The following RPS21 variants were observed in gnomAD, a reference collection of about 807,000 sequenced individuals.
RPS21 encodes the protein ribosomal protein S21.
A neutral mutation model predicts 14.5 loss-of-function variants in RPS21; 6 were observed. The observed-to-expected ratio is 0.41, with a 90% CI of 0.23 to 0.82. The LOEUF (loss-of-function observed/expected upper bound fraction) is 0.82, where lower values mean the gene tolerates loss of function less well. RPS21 is among the 40% of genes least tolerant of loss of function. The probability of loss-of-function intolerance (pLI) is 0.31; values close to 1 mark genes in which losing one functional copy is unlikely to be tolerated. For synonymous variants in RPS21, 61 were observed against 42.6 expected (o/e 1.43, Z -1.69); for missense variants, 85 against 115.0 (o/e 0.74, Z 1.19).
In RPS21 at chr20:62,387,516, T is replaced by G. The variant is rs531693282; in HGVS notation, c.51-95T>G. The stretch of plus-strand genomic sequence containing the variant: ...CCCTAACTTGTCCTGCCCCCGACGT[T>G]ACTCTTTTCCATTCATATACCCCCA... On this transcript the variant is annotated intron_variant, in intron 2 of 5. Transcript: ENST00000343986. 1.9e-6 allele frequency: 3 copies of G among 1,586,780 alleles called. No individual in the cohort carries two copies. The East Asian group carries it at 6.7e-5, about 36-fold the overall frequency.
chr20:62,388,323 T>C lies in RPS21; in HGVS notation c.201T>C (p.Asp67=). ...GAIRRMGESD[D]SILRLAKADG... ...TTTTTCTTAAGGGTGAGTCAGATGA[T>C]TCCATTCTCCGATTGGCCAAGGCCG... The change falls in exon 5 of 6, where the codon GAT becomes GAC. Residue 67 remains aspartate, a synonymous_variant. Transcript: ENST00000343986. The C allele has an allele frequency of 6.3e-7, 1 of 1,590,750 alleles. No individual in the cohort carries two copies. Among genetic ancestry groups the C allele is most frequent in the Non-Finnish European group, 8.5e-7 (1 of 1,174,186 alleles).
intron 2 of RPS21, 99 bp from the exon 3 acceptor site, chr20:62,387,509 CCGA>C: frequency 6.3e-7 from 1 of 1,587,766 alleles, no homozygotes; most frequent in South Asian, 1.1e-5. Context: ...TGTCCTGCCC[CCGA>C]CGTTACTCTT....
chr20:62,388,125 C>A, intron 4 of RPS21, 184 bp from the exon 5 acceptor site: 5 of 1,438,200 alleles, frequency 3.5e-6, no homozygotes, highest in Non-Finnish European at 4.6e-6. Flanking sequence ...CTAGGAGGTG[C>A]CCCCCCGACC....
rs750206535 is a variant in RPS21, at chr20:62,387,668, G to C, written c.108G>C (p.Val36=). The change falls in exon 3 of 6, where the codon GTG becomes GTC. Residue 36 remains valine (V), a synonymous_variant. Coordinates refer to ENST00000343986, the MANE Select transcript of RPS21 (RefSeq NM_001024.4). ...ACCACGCATCCATCCAGATGAACGT[G>C]GCCGAGGTGAGCTGGGAGCCCGGGA... ...AKDHASIQMN[V]AEVDKVTGRF... The C allele has an allele frequency of 1.9e-6, 3 of 1,614,124 alleles. No homozygotes were observed. The East Asian group carries it at 6.7e-5, about 36-fold the overall frequency.
chr20:62,388,052 GCTT>G, intron 4 of RPS21, 138 bp downstream of exon 4: 1 of 1,570,674 alleles, frequency 6.4e-7, no homozygotes, highest in African/African-American at 1.4e-5. Flanking sequence ...GCCGCCTGCC[GCTT>G]CTTGAGGGTG....
rs764451733 is a variant in RPS21, at chr20:62,388,338, G to A, written c.216G>A (p.Leu72=). Residue 72 remains leucine, a synonymous_variant, in exon 5 of 6, where the codon TTG becomes TTA. Transcript: ENST00000343986. ...MGESDDSILR[L]AKADGIVSKN... ...AGTCAGATGATTCCATTCTCCGATT[G>A]GCCAAGGCCGATGGCATCGTCTCAA... The A allele has an allele frequency of 1.3e-6, 2 of 1,598,574 alleles. No homozygotes were observed. Among genetic ancestry groups the A allele is most frequent in the Non-Finnish European group, 1.7e-6 (2 of 1,176,046 alleles).
intron 4 of RPS21, 162 bp from the exon 5 acceptor site, chr20:62,388,145 CAT>C (rs1469641197): frequency 5.4e-6 from 8 of 1,485,136 alleles, no homozygotes; most frequent in Non-Finnish European, 5.4e-6. Flanking sequence ...CCCGCTCCAC[CAT>C]AGTCAGGCTG....
Position 62,387,872 on chromosome 20 carries a change from C to T in RPS21, c.144C>T (p.Gly48=), listed in dbSNP as rs758718471. 5.0e-6 allele frequency: 8 copies of T among 1,614,054 alleles called. No individual in the cohort carries two copies. The highest frequency in any genetic ancestry group is 5.9e-6 in the Non-Finnish European group (7 of 1,180,044). ...EVDKVTGRFN[G]QFKTYAICGA... ...ACAAGGTCACAGGCAGGTTTAATGG[C>T]CAGTTTAAAACTTATGCTATCTGCG... The change falls in exon 4 of 6, where the codon GGC becomes GGT. Residue 48 remains glycine (G), a synonymous_variant. Transcript: ENST00000343986.
intron 2 of RPS21, 49 bp from the exon 3 acceptor site, chr20:62,387,562 C>A (rs781252312): frequency 9.4e-6 from 15 of 1,595,866 alleles, no homozygotes; most frequent in South Asian, 2.2e-5. Context: ...TCCCCTCTTT[C>A]ATTCTTACCG....
rs374417217 is a variant in RPS21, at chr20:62,387,386, A to G, written c.48A>G (p.Lys16=). Residue 16 remains lysine (K), a splice_region_variant and synonymous_variant, in exon 2 of 6, where the codon AAA becomes AAG. Coordinates refer to ENST00000343986, the MANE Select transcript of RPS21 (RefSeq NM_001024.4). ...GEFVDLYVPR[K]CSASNRIIGA... Reference sequence around the variant, plus strand: ...TCGTGGACCTGTACGTGCCGCGGAAATGGTAAGCGCCCCCCACATGCCTCT... The same window carrying G: ...TCGTGGACCTGTACGTGCCGCGGAAGTGGTAAGCGCCCCCCACATGCCTCT... 46 of 1,608,584 alleles carry G rather than the reference A, an allele frequency of 2.9e-5. No homozygotes were observed. Among genetic ancestry groups the G allele is most frequent in the Non-Finnish European group, 3.6e-5 (42 of 1,177,804 alleles).
chr20:62,387,368 C>T lies in RPS21; in HGVS notation c.30C>T (p.Asp10=), dbSNP rs1255393667. The change falls in exon 2 of 6, where the codon GAC becomes GAT. Residue 10 remains aspartate (D), a synonymous_variant. Transcript: ENST00000343986. ...AGAACGACGCCGGCGAGTTCGTGGA[C>T]CTGTACGTGCCGCGGAAATGGTAAG... MQNDAGEFV[D]LYVPRKCSAS... 1.9e-6 allele frequency: 3 copies of T among 1,608,016 alleles called. No individual in the cohort carries two copies. Among genetic ancestry groups the T allele is most frequent in the South Asian group, 2.2e-5 (2 of 89,970 alleles).
At chr20:62,388,168 C>A in intron 4 of RPS21, 141 bp from the exon 5 acceptor site, 2 of 1,466,532 alleles carry the variant, frequency 1.4e-6, no homozygotes, top group Non-Finnish European at 9.1e-7. Context: ...CAGGCTGCCC[C>A]GGGAGAGGTG....
rs774097979 is a variant in RPS21 at position 62,387,931 on chromosome 20, G to A, written c.186+17G>A. ...CGTAGGATGGTGAGTGTTTCCCTGGGCTTTGCTCATCACTTCGGGACATCG... is the reference window on the plus strand; with the variant it reads ...CGTAGGATGGTGAGTGTTTCCCTGGACTTTGCTCATCACTTCGGGACATCG... On this transcript the variant is annotated intron_variant, in intron 4 of 5. Transcript: ENST00000343986. 2 of 1,614,216 alleles carry A rather than the reference G, an allele frequency of 1.2e-6. No individual in the cohort carries two copies.
At chr20:62,387,943 A>C (rs772046810) in intron 4 of RPS21, 29 bp downstream of exon 4, 1 of 1,614,188 alleles carries the variant, frequency 6.2e-7, no homozygotes, top group Admixed American at 1.7e-5. Flanking sequence ...TTTGCTCATC[A>C]CTTCGGGACA....
chr20:62,387,966 C>T lies in RPS21; in HGVS notation c.186+52C>T, dbSNP rs559926014. On this transcript the variant is annotated intron_variant, in intron 4 of 5. Coordinates refer to ENST00000343986, the MANE Select transcript of RPS21 (RefSeq NM_001024.4). ...TCACTTCGGGACATCGTGGACTTTACCGTGCGCATTGGAGTGTGTGATGGT... is the reference window on the plus strand; with the variant it reads ...TCACTTCGGGACATCGTGGACTTTATCGTGCGCATTGGAGTGTGTGATGGT... The T allele has an allele frequency of 1.6e-5, 26 of 1,614,188 alleles. No homozygotes were observed. The African/African-American group carries it at 2.9e-4, about 18-fold the overall frequency.
intron 1 of RPS21, 35 bp downstream of exon 1, chr20:62,387,171 T>A (rs1987757924): frequency 1.8e-6 from 1 of 545,488 alleles, no homozygotes; most frequent in South Asian, 2.3e-5. Flanking sequence ...GGCTCAGGGC[T>A]GGGGCTGGGG....
rs532580356 is a variant in RPS21, at chr20:62,387,896, C to T, written c.168C>T (p.Cys56=). The T allele has an allele frequency of 6.8e-6, 11 of 1,614,174 alleles. No individual in the cohort carries two copies. Among genetic ancestry groups the T allele is most frequent in the South Asian group, 5.5e-5 (5 of 91,082 alleles). Residue 56 remains cysteine, a synonymous_variant, in exon 4 of 6, where the codon TGC becomes TGT. Coordinates refer to ENST00000343986, the MANE Select transcript of RPS21 (RefSeq NM_001024.4). ...GCCAGTTTAAAACTTATGCTATCTG[C>T]GGGGCCATTCGTAGGATGGTGAGTG... is the stretch of plus-strand genomic sequence containing the variant. ...FNGQFKTYAI[C]GAIRRMGESD... is the part of the protein sequence containing the mutation.
At chr20:62,388,130 C>A (rs1018455776) in intron 4 of RPS21, 179 bp from the exon 5 acceptor site, 3 of 1,500,066 alleles carry the variant, frequency 2.0e-6, no homozygotes, top group Admixed American at 2.1e-5. Context: ...AGGTGCCCCC[C>A]CGACCCCGCT....
In RPS21 at chr20:62,387,407, C is replaced by T. The variant is rs530536205; in HGVS notation, c.50+19C>T. 4 of 1,607,944 alleles carry T rather than the reference C, an allele frequency of 2.5e-6. No individual in the cohort carries two copies. The African/African-American group carries it at 4.0e-5, about 16-fold the overall frequency. On this transcript the variant is annotated intron_variant, in intron 2 of 5. Transcript: ENST00000343986. ...GGAAATGGTAAGCGCCCCCCACATG[C>T]CTCTCTTCCGTCCTTACCTAACCAC... is the stretch of plus-strand genomic sequence containing the variant.
Sources: gnomAD v4.1 joint callset for allele counts on GRCh38, gnomAD v4.1.1 for gene constraint, MANE v1.5 for transcripts, NCBI Gene and HGNC (gene_info 2026-07-23, HGNC 2026-07-21) for gene names.